Variants in ST8SIA6 observed in about 807,000 individuals in gnomAD.
The protein encoded by ST8SIA6 is ST8 alpha-N-acetyl-neuraminide alpha-2,8-sialyltransferase 6.
A neutral mutation model predicts 33.6 loss-of-function variants in ST8SIA6; 39 were observed. That is an observed-to-expected ratio of 1.16 (90% CI 0.90 to 1.52). The LOEUF (loss-of-function observed/expected upper bound fraction) is 1.52, where lower values mean the gene tolerates loss of function less well. Ranked by LOEUF, ST8SIA6 falls within the 40% of genes most tolerant of loss-of-function variation. ST8SIA6 has a pLI of 0.00. For missense variants in ST8SIA6, 441 were observed against 443.8 expected (o/e 0.99, Z 0.06); for synonymous variants, 172 against 167.2 (o/e 1.03, Z -0.22).
chr10:17,320,774 G>A lies in ST8SIA6; in HGVS notation c.*104C>T. 8.1e-7 allele frequency: 1 copy of A among 1,235,188 alleles called. No individual in the cohort carries two copies. Among genetic ancestry groups the A allele is most frequent in the African/African-American group, 1.5e-5 (1 of 65,722 alleles). The allele number at this position is 1,235,188 out of a possible 1,614,324, so 76.5% of individuals were successfully genotyped here. ...AAGCTTTGGTCAAACCAAATTTTGG[G>A]GCTCATCTCAAAATACTCTTTAGCC... On this transcript the variant is annotated 3_prime_UTR_variant, in exon 8 of 8. Coordinates refer to ENST00000377602, the MANE Select transcript of ST8SIA6 (RefSeq NM_001004470.3).
At chr10:17,415,365 G>T (rs936132186) in intron 2 of ST8SIA6, among the ~76,000 whole-genome samples, 1 of 152,064 alleles carries the variant, frequency 6.6e-6, no homozygotes, top group Non-Finnish European at 1.5e-5. Context: ...ATTGTCAATC[G>T]CTTCCCCAGG....
At position 17,321,138 on chromosome 10, in the gene ST8SIA6, T is replaced by C; in HGVS notation, c.937A>G (p.Thr313Ala). 6.2e-7 allele frequency: 1 copy of C among 1,614,144 alleles called. No individual in the cohort carries two copies. The highest frequency in any genetic ancestry group is 8.5e-7 in the Non-Finnish European group (1 of 1,179,998). The change falls in exon 8 of 8, where the codon ACT (threonine) becomes GCT (alanine). Residue 313 changes from threonine to alanine, a missense_variant. Coordinates refer to ENST00000377602, the MANE Select transcript of ST8SIA6 (RefSeq NM_001004470.3). ...YLKDLALFWR[T>A]KGVTAYRLST... The stretch of plus-strand genomic sequence containing the variant: ...AAGCGGTATGCAGTCACACCTTTAG[T>C]TCTCCAGAAAAGGGCCAGATCTTTC...
At chr10:17,379,693 G>A (rs780979563) in intron 3 of ST8SIA6, among the ~76,000 whole-genome samples, 3 of 152,084 alleles carry the variant, frequency 2.0e-5, no homozygotes, top group African/African-American at 7.2e-5. Flanking sequence ...TTTCCAGACC[G>A]AATCAATGTA....
At chr10:17,402,000 A>G (rs1490134228) in intron 2 of ST8SIA6, among the ~76,000 whole-genome samples, 2 of 152,218 alleles carry the variant, frequency 1.3e-5, no homozygotes, top group East Asian at 3.8e-4. Context: ...GAGGCAACCT[A>G]CAGAATGGGA....
rs543943502 is a variant in ST8SIA6 at position 17,349,459 on chromosome 10, C to T, written c.377+10055G>A. On this transcript the variant is annotated intron_variant, in intron 4 of 7. Transcript: ENST00000377602. ...AGAATAGCTACCATGTACTGAGATT[C>T]TAATATATAACGGACTCTGTACTGA... is the stretch of plus-strand genomic sequence containing the variant. Among the ~76,000 whole-genome samples, 7 of 152,196 alleles carry T rather than the reference C, an allele frequency of 4.6e-5. No individual in the cohort carries two copies. The South Asian group carries it at 1.5e-3, about 32-fold the overall frequency.
chr10:17,359,485 A>T (rs1362604153), intron 4 of ST8SIA6, 29 bp downstream of exon 4: 1 of 1,492,814 alleles, frequency 6.7e-7, no homozygotes. Context: ...ACATTTTTAA[A>T]ATCTCATATT....
intron 2 of ST8SIA6, among the ~76,000 whole-genome samples, chr10:17,424,996 A>C (rs774879693): frequency 5.3e-5 from 8 of 152,006 alleles, no homozygotes; most frequent in Non-Finnish European, 1.0e-4. Context: ...CAGCCTCCCA[A>C]AATGCTGGGA....
In ST8SIA6 at chr10:17,331,440, T is replaced by C. The variant is rs755391200; in HGVS notation, c.490A>G (p.Ile164Val). The change falls in exon 5 of 8, where the codon ATT becomes GTT. Residue 164 changes from isoleucine (I) to valine (V), a missense_variant. Transcript: ENST00000377602. ...YEVESKKEIP[I>V]KKNIFHMFPV... Reference sequence around the variant, plus strand: ...AACATATGAAAAATGTTCTTCTTAATTGGGATTTCTTTTTTGCTTTCCACC... The same window carrying C: ...AACATATGAAAAATGTTCTTCTTAACTGGGATTTCTTTTTTGCTTTCCACC... The C allele has an allele frequency of 1.2e-6, 2 of 1,613,666 alleles. No homozygotes were observed. The highest frequency in any genetic ancestry group is 1.7e-6 in the Non-Finnish European group (2 of 1,179,852).
chr10:17,437,012 T>TAA (rs763597670), intron 2 of ST8SIA6, among the ~76,000 whole-genome samples: 11 of 152,210 alleles, frequency 7.2e-5, no homozygotes, highest in Non-Finnish European at 1.2e-4. Context: ...GCGTGAAAAC[T>TAA]AACTAATACA....
At chr10:17,400,329 C>T (rs1284868861) in intron 2 of ST8SIA6, among the ~76,000 whole-genome samples, 2 of 151,994 alleles carry the variant, frequency 1.3e-5, no homozygotes, top group South Asian at 4.2e-4. Context: ...GGTCAGAGTT[C>T]GAGACCAGCC....
At chr10:17,412,498 C>T (rs1237798986) in intron 2 of ST8SIA6, among the ~76,000 whole-genome samples, 1 of 152,192 alleles carries the variant, frequency 6.6e-6, no homozygotes, top group Non-Finnish European at 1.5e-5. Flanking sequence ...TGTGATCTAA[C>T]AAGGCCATGC....
intron 3 of ST8SIA6, among the ~76,000 whole-genome samples, chr10:17,374,754 T>TAAATAAA (rs1205631446): frequency 4.5e-5 from 6 of 134,016 alleles, no homozygotes; most frequent in African/African-American, 1.4e-4. Context: ...AAATAATAAA[T>TAAATAAA]ATATATATAT....
chr10:17,402,300 G>A (rs910288633), intron 2 of ST8SIA6, among the ~76,000 whole-genome samples: 1 of 152,194 alleles, frequency 6.6e-6, no homozygotes, highest in Non-Finnish European at 1.5e-5. Flanking sequence ...AGAGGATGTG[G>A]AGAAATAGGA....
intron 2 of ST8SIA6, among the ~76,000 whole-genome samples, chr10:17,451,459 T>C (rs967502213): frequency 2.6e-5 from 4 of 152,174 alleles, no homozygotes; most frequent in African/African-American, 9.7e-5. Flanking sequence ...AATTATCCAT[T>C]GGGTACAATG....
chr10:17,424,284 A>T (rs560452135), intron 2 of ST8SIA6, among the ~76,000 whole-genome samples: 2 of 152,056 alleles, frequency 1.3e-5, no homozygotes, highest in African/African-American at 4.8e-5. Context: ...TTGTATATTT[A>T]GTAGGACTGA....
Position 17,420,486 on chromosome 10 carries a change from AATATTTGCATTAC to A in ST8SIA6, c.201-29879_201-29867del, listed in dbSNP as rs549491804. On this transcript the variant is annotated intron_variant, in intron 2 of 7. Transcript: ENST00000377602. ...TTTTTGTTATGGTGAAAGTCATGTG[AATATTTGCATTAC>A]ATGTGATCATACCCAAAAACTCTAT... Among the ~76,000 whole-genome samples the A allele has an allele frequency of 2.7e-4, 41 of 152,334 alleles. 1 individual carries two copies. The South Asian group carries it at 8.3e-3, about 31-fold the overall frequency.
chr10:17,315,650 TATAAA>T lies in ST8SIA6; in HGVS notation c.*5223_*5227del, dbSNP rs1213134377. ...AGTACAGACAGTAAGATTCCATTTA[TATAAA>T]ATTCTAAAAAATGTAAACAGTCTAT... On this transcript the variant is annotated 3_prime_UTR_variant, in exon 8 of 8. Coordinates refer to ENST00000377602, the MANE Select transcript of ST8SIA6 (RefSeq NM_001004470.3). 1.3e-5 allele frequency among the ~76,000 whole-genome samples: 2 copies of T among 152,054 alleles called. No individual in the cohort carries two copies. The highest frequency in any genetic ancestry group is 1.3e-4 in the Admixed American group (2 of 15,240).
intron 2 of ST8SIA6, among the ~76,000 whole-genome samples, chr10:17,418,718 C>T (rs773860457): frequency 1.7e-4 from 26 of 152,070 alleles, no homozygotes; most frequent in East Asian, 1.9e-4. Flanking sequence ...GCTAGCTGGG[C>T]GCGATGGCTC....
At chr10:17,422,176 G>GA (rs1306987810) in intron 2 of ST8SIA6, among the ~76,000 whole-genome samples, 4 of 152,024 alleles carry the variant, frequency 2.6e-5, no homozygotes, top group African/African-American at 9.7e-5. Flanking sequence ...CGCTAAAAGA[G>GA]AAAAAAACTG....
Sources: allele counts gnomAD v4.1 joint callset (sites outside exome capture counted in the v4.1 genomes callset), GRCh38; gene constraint gnomAD v4.1.1; transcripts MANE v1.5; gene names NCBI Gene and HGNC (gene_info 2026-07-23, HGNC 2026-07-21).